ARNT: variants seen among roughly 807,000 people sequenced by gnomAD.
ARNT encodes the protein aryl hydrocarbon receptor nuclear translocator.
ARNT carries 30 observed loss-of-function variants against 105.0 expected under a neutral mutation model. The observed-to-expected ratio is 0.29, with a 90% confidence interval of 0.21 to 0.39. The LOEUF (loss-of-function observed/expected upper bound fraction) is 0.39. Ranked by LOEUF, ARNT falls within the 10% of genes least tolerant of loss-of-function variation. The pLI is 1.00. For synonymous variants in ARNT, 304 were observed against 344.0 expected (o/e 0.88, Z 1.29); for missense variants, 748 against 978.7 (o/e 0.76, Z 3.15).
intron 2 of ARNT, among the ~76,000 whole-genome samples, chr1:150,854,403 C>G (rs779258068): frequency 8.6e-6 from 1 of 115,716 alleles, no homozygotes; most frequent in Admixed American, 1.4e-4. Flanking sequence ...ACAAAACATA[C>G]AAAAACTAAC....
At position 150,834,577 on chromosome 1, in the gene ARNT, A is replaced by T. The variant is rs1430060269; in HGVS notation, c.764T>A (p.Met255Lys). 2 of 1,613,954 alleles carry T rather than the reference A, an allele frequency of 1.2e-6. No individual in the cohort carries two copies. The highest frequency in any genetic ancestry group is 2.7e-5 in the African/African-American group (2 of 74,922). The change falls in exon 8 of 22, where the codon ATG becomes AAG. Residue 255 changes from methionine (M) to lysine (K), a missense_variant. This residue lies in a region of ARNT where 291 missense variants were observed against 444.6 expected (regional missense o/e 0.65). Transcript: ENST00000358595. ...AAACGATCTCCTTGAGCCCATACAC[A>T]TTCTCATGGAAGACTGCTGACCTTC... is the stretch of plus-strand genomic sequence containing the variant. ...KKEGQQSSMR[M>K]CMGSRRSFIC...
intron 1 of ARNT, among the ~76,000 whole-genome samples, chr1:150,870,322 G>A (rs1411396070): frequency 6.6e-6 from 1 of 151,994 alleles, no homozygotes; most frequent in Non-Finnish European, 1.5e-5. Context: ...GGCTTAATTA[G>A]TTTTATCCCT....
intron 21 of ARNT, 139 bp downstream of exon 21, chr1:150,813,033 A>G: frequency 2.1e-6 from 2 of 939,320 alleles, no homozygotes; most frequent in South Asian, 3.5e-5. Context: ...AGTGATCCCT[A>G]CATTTATCCC....
At position 150,812,095 on chromosome 1, in the gene ARNT, G is replaced by C; in HGVS notation, c.2296C>G (p.Leu766Val). 6.4e-7 allele frequency: 1 copy of C among 1,566,942 alleles called. No homozygotes were observed. Among genetic ancestry groups the C allele is most frequent in the Non-Finnish European group, 8.7e-7 (1 of 1,153,890 alleles). Residue 766 changes from leucine to valine, a missense_variant, in exon 22 of 22, where the codon CTG (leucine) becomes GTG (valine). By Grantham distance (32) the Leu-to-Val change is conservative (BLOSUM62 1). This residue lies in a region of ARNT where 360 missense variants were observed against 411.9 expected (regional missense o/e 0.87). Coordinates refer to ENST00000358595, the MANE Select transcript of ARNT (RefSeq NM_001668.4). Reference protein sequence around the residue: ...PEVFQEMLSMLGDQSNSYNNE... With the variant: ...PEVFQEMLSMVGDQSNSYNNE... ...TTGTAGCTGTTGCTCTGATCTCCCA[G>C]CATGGACAGCATCTCCTGATAAAAG...
chr1:150,857,258 G>T (rs1557943139), intron 2 of ARNT, among the ~76,000 whole-genome samples: 1 of 152,050 alleles, frequency 6.6e-6, no homozygotes, highest in East Asian at 1.9e-4. Flanking sequence ...AATATACTAT[G>T]ACTTTCTCAA....
At chr1:150,820,304 T>C (rs1656783680) in intron 14 of ARNT, among the ~76,000 whole-genome samples, 1 of 151,994 alleles carries the variant, frequency 6.6e-6, no homozygotes, top group African/African-American at 2.4e-5. Flanking sequence ...CCAGAAAGAG[T>C]TGATACATAG....
At chr1:150,816,503 G>T in intron 18 of ARNT, 97 bp from the exon 19 acceptor site, 1 of 1,394,756 alleles carries the variant, frequency 7.2e-7, no homozygotes, top group South Asian at 1.4e-5. Flanking sequence ...AGATCCCCTT[G>T]ACTTCCTGCA....
chr1:150,836,288 G>C lies in ARNT; in HGVS notation c.692C>G (p.Ala231Gly). ...ATACACATAACTCTCACCTGTCAGG[G>C]CATTTTCTGAAGTGGAAAGCTGCTC... ...LREQLSTSEN[A>G]LTGRILDLKT... Residue 231 changes from alanine (A) to glycine (G), a missense_variant, in exon 7 of 22, where the codon GCC (alanine) becomes GGC (glycine). This residue lies in a region of ARNT where 291 missense variants were observed against 444.6 expected (regional missense o/e 0.65). Transcript: ENST00000358595. 1 of 1,613,908 alleles carries C rather than the reference G, an allele frequency of 6.2e-7. No homozygotes were observed. Among genetic ancestry groups the C allele is most frequent in the South Asian group, 1.1e-5 (1 of 91,080 alleles).
At chr1:150,846,800 C>A (rs1662297235) in intron 3 of ARNT, among the ~76,000 whole-genome samples, 1 of 152,096 alleles carries the variant, frequency 6.6e-6, no homozygotes, top group Non-Finnish European at 1.5e-5. Flanking sequence ...CCCTAGCAAC[C>A]ACCATTTTAC....
At chr1:150,818,232 C>A in intron 14 of ARNT, 1 of 483,110 alleles carries the variant, frequency 2.1e-6, no homozygotes, top group Non-Finnish European at 3.7e-6. Context: ...TGTTCTATGA[C>A]ACAGGGGTCA....
chr1:150,867,446 T>G (rs1458020599), intron 1 of ARNT, among the ~76,000 whole-genome samples: 1 of 150,200 alleles, frequency 6.7e-6, no homozygotes, highest in South Asian at 2.1e-4. Flanking sequence ...GCTACTCAGG[T>G]TGCTGAAGTG....
intron 21 of ARNT, 55 bp from the exon 22 acceptor site, chr1:150,812,165 C>G: frequency 1.5e-6 from 2 of 1,299,216 alleles, no homozygotes; most frequent in Non-Finnish European, 1.0e-6. Context: ...CTTACACTTA[C>G]CAAGTTCTAC....
At chr1:150,835,160 AAG>A (rs1403866422) in intron 7 of ARNT, among the ~76,000 whole-genome samples, 3 of 151,820 alleles carry the variant, frequency 2.0e-5, no homozygotes, top group East Asian at 1.9e-4. Context: ...AAAGAATAAA[AAG>A]AAAAAATTTT....
chr1:150,858,815 G>A (rs1450971286), intron 1 of ARNT, among the ~76,000 whole-genome samples: 2 of 149,954 alleles, frequency 1.3e-5, no homozygotes, highest in African/African-American at 2.5e-5. Context: ...TAGAGATGGG[G>A]TCTTGATATG....
chr1:150,849,996 G>A (rs1156783743), intron 3 of ARNT, among the ~76,000 whole-genome samples: 1 of 152,018 alleles, frequency 6.6e-6, no homozygotes, highest in African/African-American at 2.4e-5. Flanking sequence ...AAGTTGTAGT[G>A]AGCCAAGACT....
intron 3 of ARNT, 39 bp from the exon 4 acceptor site, chr1:150,846,346 T>C (rs1363725731): frequency 6.3e-7 from 1 of 1,596,144 alleles, no homozygotes. Context: ...AGCATTACAC[T>C]TGTTATATCT....
At chr1:150,858,558 C>A (rs1307873709) in intron 1 of ARNT, 98 bp from the exon 2 acceptor site, 4 of 929,280 alleles carry the variant, frequency 4.3e-6, no homozygotes, top group Non-Finnish European at 6.5e-6. Context: ...AAGCTATAGA[C>A]AAAATCTCAG....
At chr1:150,850,554 G>A (rs1029330269) in intron 3 of ARNT, among the ~76,000 whole-genome samples, 4 of 152,274 alleles carry the variant, frequency 2.6e-5, no homozygotes, top group African/African-American at 9.6e-5. Flanking sequence ...GAGGTGCCGG[G>A]ATTGCAGACT....
intron 2 of ARNT, 47 bp from the exon 3 acceptor site, chr1:150,852,853 A>C (rs766584946): frequency 6.2e-7 from 1 of 1,606,492 alleles, no homozygotes; most frequent in South Asian, 1.1e-5. Context: ...GATAATACAA[A>C]ACATTAAGAA....
Sources: gnomAD v4.1 joint callset for allele counts (sites outside exome capture counted in the v4.1 genomes callset) on GRCh38, gnomAD v4.1.1 for gene constraint, gnomAD v4.1.1 regional missense constraint, MANE v1.5 for transcripts, NCBI Gene and HGNC (gene_info 2026-07-23, HGNC 2026-07-21) for gene names.